The following KANSL1L variants were observed in gnomAD, a reference collection of about 807,000 sequenced individuals.
KANSL1L encodes the protein KAT8 regulatory NSL complex subunit 1-like protein.
Under a neutral mutation model 108.6 loss-of-function variants are expected in KANSL1L, and 25 were observed. That is an observed-to-expected ratio of 0.23 (90% CI 0.17 to 0.32). KANSL1L has a LOEUF of 0.32. Among genes scored for constraint, KANSL1L ranks in the 10% least tolerant of loss-of-function variants. The probability of loss-of-function intolerance (pLI) is 1.00; values close to 1 mark genes in which losing one functional copy is unlikely to be tolerated. For missense variants in KANSL1L, 1,137 were observed against 1,125.7 expected (o/e 1.01, Z -0.14); for synonymous variants, 405 against 395.1 (o/e 1.03, Z -0.30).
At chr2:210,025,951 T>G (rs1250106887) in intron 12 of KANSL1L, among the ~76,000 whole-genome samples, 1 of 152,222 alleles carries the variant, frequency 6.6e-6, no homozygotes, top group Non-Finnish European at 1.5e-5. Flanking sequence ...TAATGTTTTA[T>G]TCATTCAGGA....
rs2125561444 is a variant in KANSL1L, at chr2:210,133,843, T to G, written c.1089-4671A>C. On this transcript the variant is annotated intron_variant, in intron 2 of 14. Coordinates refer to ENST00000281772, the MANE Select transcript of KANSL1L (RefSeq NM_152519.4). ...ATGTGTGATTTAATTTCTACATATTTCAGACCCACATATTTACCATTTCTT... is the reference window on the plus strand; with the variant it reads ...ATGTGTGATTTAATTTCTACATATTGCAGACCCACATATTTACCATTTCTT... Among the ~76,000 whole-genome samples the G allele has an allele frequency of 2.0e-5, 3 of 152,308 alleles. No individual in the cohort carries two copies. In the South Asian group the frequency reaches 6.2e-4, roughly 32 times the overall value.
chr2:210,022,930 T>A lies in KANSL1L; in HGVS notation c.*19A>T. 6.5e-7 allele frequency: 1 copy of A among 1,545,104 alleles called. No individual in the cohort carries two copies. The highest frequency in any genetic ancestry group is 8.9e-7 in the Non-Finnish European group (1 of 1,118,506). On this transcript the variant is annotated 3_prime_UTR_variant, in exon 15 of 15. Coordinates refer to ENST00000281772, the MANE Select transcript of KANSL1L (RefSeq NM_152519.4). ...CCCATCTTTCCTACATTTACATAGT[T>A]TTCTTAACCTGTTCCCTGTCACCTA...
At chr2:210,116,659 G>A (rs534141443) in intron 3 of KANSL1L, among the ~76,000 whole-genome samples, 1 of 152,266 alleles carries the variant, frequency 6.6e-6, no homozygotes, top group South Asian at 2.1e-4. Context: ...ACCTCTATGA[G>A]TCCACAAAAG....
intron 5 of KANSL1L, among the ~76,000 whole-genome samples, chr2:210,080,901 G>A (rs1465179490): frequency 6.6e-6 from 1 of 151,842 alleles, no homozygotes; most frequent in African/African-American, 2.4e-5. Context: ...GGGGCCAGGA[G>A]TTTGAGACCA....
chr2:210,167,165 G>C (rs546634157), intron 1 of KANSL1L, among the ~76,000 whole-genome samples: 2 of 152,106 alleles, frequency 1.3e-5, no homozygotes, highest in South Asian at 4.1e-4. Context: ...GGAATTAATG[G>C]AAAGTAGGAA....
intron 2 of KANSL1L, among the ~76,000 whole-genome samples, chr2:210,133,221 T>C (rs915448932): frequency 5.3e-5 from 8 of 152,130 alleles, no homozygotes; most frequent in Non-Finnish European, 8.8e-5. Context: ...ATACACTCCA[T>C]TGTATACTTT....
At chr2:210,043,856 A>G (rs2094195149) in intron 7 of KANSL1L, 83 bp downstream of exon 7, 6 of 943,642 alleles carry the variant, frequency 6.4e-6, no homozygotes, top group Middle Eastern at 4.5e-4. Context: ...ATAAAATAAG[A>G]TTTATTAGAT....
intron 6 of KANSL1L, among the ~76,000 whole-genome samples, chr2:210,064,817 C>CAAAA (rs1168784210): frequency 7.4e-4 from 31 of 41,924 alleles, no homozygotes; most frequent in Middle Eastern, 0.017. Context: ...CCTCCCCCAC[C>CAAAA]AAAAAAAAAA....
At chr2:210,081,549 T>C (rs192194457) in intron 5 of KANSL1L, among the ~76,000 whole-genome samples, 94 of 152,346 alleles carry the variant, frequency 6.2e-4, no homozygotes, top group Non-Finnish European at 1.1e-3. Flanking sequence ...ATTTGCATGA[T>C]TATCTGATTA....
intron 7 of KANSL1L, among the ~76,000 whole-genome samples, chr2:210,041,274 T>C (rs1340686953): frequency 6.6e-6 from 1 of 152,142 alleles, no homozygotes; most frequent in Non-Finnish European, 1.5e-5. Flanking sequence ...CAAAATCATC[T>C]TAAAAAGCAT....
rs1210822286 is a variant in KANSL1L at position 210,023,133 on chromosome 2, A to G, written c.2780T>C (p.Met927Thr). ...TTCATCTTGACATAATAAGGCTGCCATGTCTTCACCCTTCAGTGGAAAAGC... is the reference window on the plus strand; with the variant it reads ...TTCATCTTGACATAATAAGGCTGCCGTGTCTTCACCCTTCAGTGGAAAAGC... ...RRAFPLKGEDMAALLCQDEKK... is the reference protein window; with the variant it reads ...RRAFPLKGEDTAALLCQDEKK... Residue 927 changes from methionine (M) to threonine (T), a missense_variant, in exon 15 of 15, where the codon ATG becomes ACG. Physicochemically the swap from Met to Thr is moderately conservative, Grantham distance 81. Coordinates refer to ENST00000281772, the MANE Select transcript of KANSL1L (RefSeq NM_152519.4). 1.2e-6 allele frequency: 2 copies of G among 1,613,956 alleles called. No homozygotes were observed. Among genetic ancestry groups the G allele is most frequent in the Admixed American group, 1.7e-5 (1 of 60,002 alleles).
chr2:210,070,224 CTTTT>C (rs71043971), intron 6 of KANSL1L, among the ~76,000 whole-genome samples: 3 of 77,564 alleles, frequency 3.9e-5, no homozygotes, highest in Admixed American at 2.5e-4. Context: ...TTTCTCCGTT[CTTTT>C]TTTTTTTTTT....
Position 210,044,009 on chromosome 2 carries a change from C to T in KANSL1L, c.1851G>A (p.Glu617=). 6.2e-7 allele frequency: 1 copy of T among 1,609,372 alleles called. No individual in the cohort carries two copies. The change falls in exon 7 of 15, where the codon GAG becomes GAA. Residue 617 remains glutamate (E), a synonymous_variant. Coordinates refer to ENST00000281772, the MANE Select transcript of KANSL1L (RefSeq NM_152519.4). The surrounding 1 kb of genome is among the most constrained non-coding windows in gnomAD (Gnocchi z 4.2). ...STWSSYEHNS[E]SYLLREHVSE... Reference sequence around the variant, plus strand: ...ATACATGTTCTCTTAATAGGTAAGACTCCGAATTGTGTTCATAGCTACTCC... The same window carrying T: ...ATACATGTTCTCTTAATAGGTAAGATTCCGAATTGTGTTCATAGCTACTCC...
chr2:210,096,594 C>A (rs965869363), intron 5 of KANSL1L: 6 of 985,158 alleles, frequency 6.1e-6, no homozygotes, highest in Non-Finnish European at 7.2e-6. Context: ...ATGGGATTAG[C>A]CCCAAATCAC....
intron 3 of KANSL1L, among the ~76,000 whole-genome samples, chr2:210,107,706 A>C (rs2125447884): frequency 6.6e-6 from 1 of 151,686 alleles, no homozygotes; most frequent in African/African-American, 2.4e-5. Context: ...TTTTTTAAAA[A>C]ATATTTTTAG....
intron 2 of KANSL1L, among the ~76,000 whole-genome samples, chr2:210,132,798 T>C (rs1173437198): frequency 6.6e-6 from 1 of 152,168 alleles, no homozygotes; most frequent in Non-Finnish European, 1.5e-5. Context: ...TATTTGGTTT[T>C]GGAATCAAGC....
intron 6 of KANSL1L, among the ~76,000 whole-genome samples, chr2:210,045,093 C>G (rs1190305392): frequency 1.3e-5 from 2 of 152,130 alleles, no homozygotes; most frequent in African/African-American, 2.4e-5. Context: ...TTTAACATGT[C>G]AAACCAAGCT....
chr2:210,087,622 A>T (rs1251691697), intron 5 of KANSL1L, among the ~76,000 whole-genome samples: 3 of 152,192 alleles, frequency 2.0e-5, no homozygotes, highest in African/African-American at 7.2e-5. Flanking sequence ...CCATGATGTG[A>T]CTCTCTGATC....
chr2:210,042,277 T>A (rs1345971078), intron 7 of KANSL1L, among the ~76,000 whole-genome samples: 6 of 152,240 alleles, frequency 3.9e-5, no homozygotes. Flanking sequence ...TATTTGTATT[T>A]ATACTCCTAG....
Sources: gnomAD v4.1 joint callset for allele counts (sites outside exome capture counted in the v4.1 genomes callset) on GRCh38, gnomAD v4.1.1 for gene constraint, Gnocchi (gnomAD v3.1) non-coding constraint, MANE v1.5 for transcripts, NCBI Gene and HGNC (gene_info 2026-07-23, HGNC 2026-07-21) for gene names.